The following LRP1B variants were observed in gnomAD, a reference collection of about 807,000 sequenced individuals.
LRP1B encodes low-density lipoprotein receptor-related protein 1B.
In LRP1B, 217 loss-of-function variants were observed where a neutral mutation model predicts 556.6. The ratio of observed to expected loss-of-function variants is 0.39; its 90% CI spans 0.35 to 0.44. The LOEUF (loss-of-function observed/expected upper bound fraction) is 0.44. LRP1B is among the 20% of genes least tolerant of loss of function. The probability of loss-of-function intolerance (pLI) is 1.00; values close to 1 mark genes in which losing one functional copy is unlikely to be tolerated. For synonymous variants in LRP1B, 2,047 were observed against 1,865.8 expected (o/e 1.10, Z -2.50); for missense variants, 5,053 against 5,620.8 (o/e 0.90, Z 3.23).
chr2:141,719,830 A>AGGGTAACCATAGATACTGGG (rs1692751828), intron 2 of LRP1B, among the ~76,000 whole-genome samples: 1 of 152,122 alleles, frequency 6.6e-6, no homozygotes. Flanking sequence ...TTATGCAAAG[A>AGGGTAACCATAGATACTGGG]GGGTAACCAT....
intron 7 of LRP1B, among the ~76,000 whole-genome samples, chr2:141,161,884 A>C (rs990395383): frequency 6.6e-6 from 1 of 152,106 alleles, no homozygotes; most frequent in Non-Finnish European, 1.5e-5. Flanking sequence ...AGTGATTTGC[A>C]TATATGATAA....
chr2:140,697,485 C>A (rs1424980954), intron 41 of LRP1B, among the ~76,000 whole-genome samples: 1 of 151,882 alleles, frequency 6.6e-6, no homozygotes, highest in African/African-American at 2.4e-5. Flanking sequence ...GATATTTGTA[C>A]ACCAATGTTC....
At chr2:141,312,731 C>A (rs1686859979) in intron 3 of LRP1B, among the ~76,000 whole-genome samples, 1 of 151,966 alleles carries the variant, frequency 6.6e-6, no homozygotes, top group Non-Finnish European at 1.5e-5. Flanking sequence ...CTCTGCCTCC[C>A]AGTCTGGAGT....
chr2:140,991,470 G>A (rs942644797), intron 16 of LRP1B, among the ~76,000 whole-genome samples: 2 of 152,082 alleles, frequency 1.3e-5, no homozygotes, highest in East Asian at 1.9e-4. Flanking sequence ...TAGGGAAGAT[G>A]ACATAGTGCT....
chr2:140,392,989 G>A (rs923043688), intron 66 of LRP1B, among the ~76,000 whole-genome samples: 2 of 151,430 alleles, frequency 1.3e-5, no homozygotes, highest in African/African-American at 4.9e-5. Context: ...GAATGCAGTG[G>A]TGCAATCATA....
At chr2:140,250,326 G>A (rs1176957535) in intron 86 of LRP1B, among the ~76,000 whole-genome samples, 1 of 151,734 alleles carries the variant, frequency 6.6e-6, no homozygotes, top group African/African-American at 2.4e-5. Context: ...TTTTAACCAA[G>A]TATCATTGGA....
intron 41 of LRP1B, among the ~76,000 whole-genome samples, chr2:140,685,145 A>G (rs929660073): frequency 4.6e-5 from 7 of 152,220 alleles, no homozygotes; most frequent in South Asian, 2.1e-4. Flanking sequence ...GGGACCCTCT[A>G]CTTTCTTCAT....
chr2:141,200,585 A>T (rs982585933), intron 6 of LRP1B, among the ~76,000 whole-genome samples: 1 of 152,150 alleles, frequency 6.6e-6, no homozygotes, highest in African/African-American at 2.4e-5. Context: ...TGACCAGTAG[A>T]TATTAAGAAG....
chr2:142,088,366 T>C lies in LRP1B; in HGVS notation c.82+42282A>G, dbSNP rs1706025363. On this transcript the variant is annotated intron_variant, in intron 1 of 90. Transcript: ENST00000389484. ...ACACTATTAGTTGGTTTTAGTATATTGCGTAACTAGTGTTGAATTTTGCAT... is the reference window on the plus strand; with the variant it reads ...ACACTATTAGTTGGTTTTAGTATATCGCGTAACTAGTGTTGAATTTTGCAT... 3.9e-5 allele frequency among the ~76,000 whole-genome samples: 6 copies of C among 152,192 alleles called. No individual in the cohort carries two copies. The South Asian group carries it at 1.2e-3, about 31-fold the overall frequency.
chr2:140,898,009 A>G (rs1237558775), intron 23 of LRP1B, among the ~76,000 whole-genome samples: 3 of 151,980 alleles, frequency 2.0e-5, no homozygotes, highest in African/African-American at 7.3e-5. Context: ...GAAGACACCA[A>G]CTTTTCGGTT....
chr2:141,414,064 T>C (rs567315428), intron 3 of LRP1B, among the ~76,000 whole-genome samples: 29 of 151,940 alleles, frequency 1.9e-4, no homozygotes, highest in Admixed American at 3.9e-4. Context: ...GGTGAAAACC[T>C]GTCTCTACTA....
rs190277259 is a variant in LRP1B at position 141,319,806 on chromosome 2, T to C, written c.344-65165A>G. Among the ~76,000 whole-genome samples the C allele has an allele frequency of 1.2e-4, 19 of 152,216 alleles. No homozygotes were observed. In the East Asian group the frequency reaches 3.5e-3, roughly 28 times the overall value. ...AGCAACATGTAATACATGAGTCAAG[T>C]CTGTCTTGCTGGGTTACAAGAAAAG... On this transcript the variant is annotated intron_variant, in intron 3 of 90. Coordinates refer to ENST00000389484, the MANE Select transcript of LRP1B (RefSeq NM_018557.3).
At chr2:140,772,437 G>A (rs1689346461) in intron 33 of LRP1B, among the ~76,000 whole-genome samples, 1 of 152,022 alleles carries the variant, frequency 6.6e-6, no homozygotes. Flanking sequence ...AGCCTCCTGA[G>A]TAGCTGGGAT....
In LRP1B at chr2:140,323,808, T is replaced by G. The variant is rs533564074; in HGVS notation, c.12514+85A>C. The G allele has an allele frequency of 5.9e-6, 4 of 682,960 alleles. No individual in the cohort carries two copies. In the South Asian group the frequency reaches 1.3e-4, roughly 21 times the overall value. 42.3% of individuals were successfully genotyped at this position (682,960 alleles called of 1,614,324 possible). A position where few individuals can be genotyped will look rare whatever the true frequency, so the allele number is the denominator to read the frequency against. On this transcript the variant is annotated intron_variant, in intron 81 of 90. Coordinates refer to ENST00000389484, the MANE Select transcript of LRP1B (RefSeq NM_018557.3). Reference sequence around the variant, plus strand: ...TACTGAGGTTAAGACATTTACATAGTTAAGATATTTAAAAATATATTATTT... The same window carrying G: ...TACTGAGGTTAAGACATTTACATAGGTAAGATATTTAAAAATATATTATTT...
At chr2:141,023,975 T>C (rs1002277486) in intron 11 of LRP1B, among the ~76,000 whole-genome samples, 2 of 152,036 alleles carry the variant, frequency 1.3e-5, no homozygotes, top group Non-Finnish European at 2.9e-5. Flanking sequence ...ATCATGCATG[T>C]AGACATGCCT....
At chr2:141,279,479 T>C (rs1685430335) in intron 3 of LRP1B, among the ~76,000 whole-genome samples, 1 of 151,958 alleles carries the variant, frequency 6.6e-6, no homozygotes, top group Non-Finnish European at 1.5e-5. Context: ...AATCAGTCCT[T>C]AGGGTAATAG....
intron 7 of LRP1B, among the ~76,000 whole-genome samples, chr2:141,175,481 G>C (rs1239815029): frequency 5.3e-5 from 8 of 152,264 alleles, no homozygotes; most frequent in African/African-American, 1.9e-4. Flanking sequence ...CATTGCATCA[G>C]AGGGTACAAG....
At chr2:141,275,923 T>TAC (rs1015164302) in intron 3 of LRP1B, among the ~76,000 whole-genome samples, 1 of 151,086 alleles carries the variant, frequency 6.6e-6, no homozygotes, top group African/African-American at 2.4e-5. Flanking sequence ...TATATATATA[T>TAC]ACACATACAC....
chr2:142,027,478 C>T (rs1436749781), intron 1 of LRP1B, among the ~76,000 whole-genome samples: 1 of 151,682 alleles, frequency 6.6e-6, no homozygotes, highest in East Asian at 1.9e-4. Context: ...TTACCTTTCT[C>T]TATCAAGAGA....
Sources: allele counts gnomAD v4.1 joint callset (sites outside exome capture counted in the v4.1 genomes callset), GRCh38; gene constraint gnomAD v4.1.1; transcripts MANE v1.5; gene names NCBI Gene and HGNC (gene_info 2026-07-23, HGNC 2026-07-21).